The following NXPH1 variants were observed in gnomAD, a reference collection of about 807,000 sequenced individuals.
NXPH1 encodes the protein neurexophilin 1, also known as neurexophilin-1.
A neutral mutation model predicts 23.7 loss-of-function variants in NXPH1; 5 were observed. The ratio of observed to expected loss-of-function variants is 0.21; its 90% CI spans 0.11 to 0.44. NXPH1 has a LOEUF of 0.44. Ranked by LOEUF, NXPH1 falls within the 20% of genes least tolerant of loss-of-function variation. The pLI, the probability that NXPH1 is intolerant of heterozygous loss-of-function variation, is 0.99. For missense variants in NXPH1, 324 were observed against 321.6 expected, an observed-to-expected ratio of 1.01 and a Z score of -0.06; for synonymous variants, 144 against 122.2, an observed-to-expected ratio of 1.18 and a Z score of -1.18.
At chr7:8,679,980 C>T (rs1240761165) in intron 2 of NXPH1, among the ~76,000 whole-genome samples, 2 of 152,246 alleles carry the variant, frequency 1.3e-5, no homozygotes, top group Non-Finnish European at 2.9e-5. Flanking sequence ...GAGATTGTGC[C>T]ATTGCACTCC....
chr7:8,613,534 A>C (rs1283847955), intron 2 of NXPH1, among the ~76,000 whole-genome samples: 1 of 151,974 alleles, frequency 6.6e-6, no homozygotes, highest in African/African-American at 2.4e-5. Flanking sequence ...TAGCTTTCTA[A>C]CAATCTTAAA....
intron 2 of NXPH1, among the ~76,000 whole-genome samples, chr7:8,604,448 C>T (rs972877770): frequency 9.9e-5 from 15 of 151,964 alleles, no homozygotes; most frequent in Non-Finnish European, 1.6e-4. Flanking sequence ...TTTTTAGTTG[C>T]GCTATTCCTG....
chr7:8,499,758 C>G (rs997839788), intron 2 of NXPH1, among the ~76,000 whole-genome samples: 1 of 152,008 alleles, frequency 6.6e-6, no homozygotes, highest in African/African-American at 2.4e-5. Flanking sequence ...ATTTTTGAGG[C>G]CTTTACTGCA....
intron 2 of NXPH1, among the ~76,000 whole-genome samples, chr7:8,483,781 A>G (rs1346083295): frequency 1.3e-5 from 2 of 152,152 alleles, no homozygotes; most frequent in African/African-American, 4.8e-5. Flanking sequence ...TTTGAAAACC[A>G]CTAGACCAGA....
intron 2 of NXPH1, among the ~76,000 whole-genome samples, chr7:8,735,502 G>A (rs1369841720): frequency 2.0e-5 from 3 of 152,156 alleles, no homozygotes; most frequent in Admixed American, 6.5e-5. Flanking sequence ...TGATCATGGT[G>A]GATAAGCTTT....
chr7:8,638,957 C>T (rs183838923), intron 2 of NXPH1, among the ~76,000 whole-genome samples: 387 of 152,098 alleles, frequency 2.5e-3, no homozygotes, highest in African/African-American at 8.2e-3. Context: ...CCTCTCCAAC[C>T]CTCAGTTTCC....
intron 2 of NXPH1, among the ~76,000 whole-genome samples, chr7:8,494,231 G>A (rs1454378509): frequency 6.6e-6 from 1 of 151,888 alleles, no homozygotes; most frequent in Non-Finnish European, 1.5e-5. Flanking sequence ...TGGCAGAAAG[G>A]CATAATTTCT....
intron 2 of NXPH1, among the ~76,000 whole-genome samples, chr7:8,458,800 T>G (rs1189193776): frequency 2.0e-5 from 3 of 152,182 alleles, no homozygotes; most frequent in African/African-American, 7.2e-5. Flanking sequence ...TTACCATAAC[T>G]TCATAGAGTA....
chr7:8,631,392 A>G (rs1290228456), intron 2 of NXPH1, among the ~76,000 whole-genome samples: 1 of 152,226 alleles, frequency 6.6e-6, no homozygotes, highest in African/African-American at 2.4e-5. Flanking sequence ...GAAGATGCCA[A>G]AAGCAATGGC....
chr7:8,519,193 A>G (rs550905184), intron 2 of NXPH1, among the ~76,000 whole-genome samples: 3 of 152,304 alleles, frequency 2.0e-5, no homozygotes, highest in African/African-American at 4.8e-5. Context: ...TGTATACTCT[A>G]TAAGGGAAGA....
intron 2 of NXPH1, among the ~76,000 whole-genome samples, chr7:8,588,832 G>A (rs1409010767): frequency 6.6e-6 from 1 of 152,098 alleles, no homozygotes; most frequent in Non-Finnish European, 1.5e-5. Flanking sequence ...TGCTTAAAAT[G>A]CGATTATAAG....
intron 2 of NXPH1, among the ~76,000 whole-genome samples, chr7:8,730,854 G>C (rs1780140518): frequency 6.6e-6 from 1 of 151,032 alleles, no homozygotes; most frequent in Admixed American, 6.6e-5. Flanking sequence ...TCTTTGTGGT[G>C]TTCTCTGTAT....
intron 2 of NXPH1, among the ~76,000 whole-genome samples, chr7:8,515,649 C>T (rs73233609): frequency 0.019 from 2,945 of 152,096 alleles, 85 homozygotes; most frequent in African/African-American, 0.068. Context: ...TACTTTTTAC[C>T]ATGGTGTTCT....
intron 2 of NXPH1, among the ~76,000 whole-genome samples, chr7:8,710,724 G>A (rs1433509269): frequency 2.1e-5 from 2 of 96,726 alleles, no homozygotes; most frequent in East Asian, 4.1e-4. Flanking sequence ...CTGCAGTGGC[G>A]CAATCTCGGC....
intron 2 of NXPH1, among the ~76,000 whole-genome samples, chr7:8,678,440 T>G (rs1288093428): frequency 2.0e-5 from 3 of 152,140 alleles, no homozygotes; most frequent in African/African-American, 7.2e-5. Flanking sequence ...TGTGGGAGTT[T>G]CTCATTTACG....
chr7:8,517,541 G>A (rs992296263), intron 2 of NXPH1, among the ~76,000 whole-genome samples: 3 of 152,090 alleles, frequency 2.0e-5, no homozygotes, highest in African/African-American at 7.2e-5. Context: ...ATCAGTGTTT[G>A]GTTATGTTGC....
intron 2 of NXPH1, among the ~76,000 whole-genome samples, chr7:8,611,064 A>G (rs1051130054): frequency 5.9e-5 from 9 of 152,188 alleles, no homozygotes; most frequent in African/African-American, 2.2e-4. Context: ...CTTTACCCAC[A>G]GAAATTGCAA....
intron 2 of NXPH1, among the ~76,000 whole-genome samples, chr7:8,504,945 C>G (rs998874561): frequency 6.6e-6 from 1 of 152,008 alleles, no homozygotes; most frequent in Non-Finnish European, 1.5e-5. Flanking sequence ...TTTGAACCAC[C>G]TTGTCTATGG....
chr7:8,622,905 A>T (rs1380412257), intron 2 of NXPH1, among the ~76,000 whole-genome samples: 1 of 152,176 alleles, frequency 6.6e-6, no homozygotes, highest in Non-Finnish European at 1.5e-5. Context: ...CAGAGGAAGA[A>T]AATATTTGTA....
Sources: gnomAD v4.1 joint callset for allele counts (sites outside exome capture counted in the v4.1 genomes callset) on GRCh38, gnomAD v4.1.1 for gene constraint, MANE v1.5 for transcripts, NCBI Gene and HGNC (gene_info 2026-07-23, HGNC 2026-07-21) for gene names.